ACSL3: variants seen among roughly 807,000 people sequenced by gnomAD.
The protein encoded by ACSL3 is fatty acid CoA ligase Acsl3.
A neutral mutation model predicts 84.7 loss-of-function variants in ACSL3; 34 were observed. That is an observed-to-expected ratio of 0.40 (90% confidence interval 0.31 to 0.53). The LOEUF is 0.53. Among genes scored for constraint, ACSL3 ranks in the 20% least tolerant of loss-of-function variants. ACSL3 has a pLI of 0.48. For missense variants in ACSL3, 680 were observed against 873.1 expected, an observed-to-expected ratio of 0.78 and a Z score of 2.79; for synonymous variants, 315 against 299.4, an observed-to-expected ratio of 1.05 and a Z score of -0.54.
intron 1 of ACSL3, among the ~76,000 whole-genome samples, chr2:222,878,564 A>G (rs1695513464): frequency 6.6e-6 from 1 of 151,982 alleles, no homozygotes; most frequent in African/African-American, 2.4e-5. Context: ...CCTTTATCCT[A>G]CAATTGAATA....
chr2:222,921,718 T>A (rs149594615), intron 8 of ACSL3, among the ~76,000 whole-genome samples: 7 of 152,340 alleles, frequency 4.6e-5, no homozygotes, highest in East Asian at 3.9e-4. Flanking sequence ...TAGTTTTTTT[T>A]ATATCTAAAT....
At chr2:222,928,652 TAAAA>T (rs5838971) in intron 12 of ACSL3, among the ~76,000 whole-genome samples, 1 of 135,032 alleles carries the variant, frequency 7.4e-6, no homozygotes, top group African/African-American at 2.7e-5. Flanking sequence ...ATAACTAATT[TAAAA>T]AAAAAAAAAA....
intron 4 of ACSL3, among the ~76,000 whole-genome samples, chr2:222,912,214 G>A (rs1270841354): frequency 6.6e-6 from 1 of 152,218 alleles, no homozygotes; most frequent in Non-Finnish European, 1.5e-5. Flanking sequence ...GGTTAGCTGA[G>A]GCTTTAGTTT....
chr2:222,918,199 T>A, intron 6 of ACSL3, 44 bp downstream of exon 6: 1 of 1,350,992 alleles, frequency 7.4e-7, no homozygotes, highest in Non-Finnish European at 1.0e-6. Context: ...ACTTTAGAAT[T>A]TTCAGTGTCA....
At chr2:222,866,429 A>AGCTACT (rs1323257423) in intron 1 of ACSL3, among the ~76,000 whole-genome samples, 2 of 152,106 alleles carry the variant, frequency 1.3e-5, no homozygotes, top group Non-Finnish European at 1.5e-5. Flanking sequence ...ACAGGCTGGG[A>AGCTACT]GCTACTGCGC....
At chr2:222,865,855 T>C (rs1553581415) in intron 1 of ACSL3, among the ~76,000 whole-genome samples, 1 of 152,060 alleles carries the variant, frequency 6.6e-6, no homozygotes, top group Non-Finnish European at 1.5e-5. Context: ...GGAGATGTTA[T>C]AACGCTACCA....
At chr2:222,938,443 G>T (rs1697228519) in intron 16 of ACSL3, among the ~76,000 whole-genome samples, 1 of 152,020 alleles carries the variant, frequency 6.6e-6, no homozygotes, top group Non-Finnish European at 1.5e-5. Flanking sequence ...ATTCTTGGTT[G>T]ACAATTTTTT....
chr2:222,921,290 T>C lies in ACSL3; in HGVS notation c.816T>C (p.Pro272=), dbSNP rs1259716537. The change falls in exon 8 of 17, where the codon CCT becomes CCC. Residue 272 remains proline (P), a synonymous_variant. Coordinates refer to ENST00000357430, the MANE Select transcript of ACSL3 (RefSeq NM_004457.5). The part of the protein sequence containing the change: ...LGAKASMENQ[P]HSKPLPSDIA... ...TTCTCTTCAATGCAGAAAACCAACC[T>C]CATAGCAAACCATTGCCCTCAGATA... is the stretch of plus-strand genomic sequence containing the variant. 6.3e-7 allele frequency: 1 copy of C among 1,593,802 alleles called. No homozygotes were observed. Among genetic ancestry groups the C allele is most frequent in the East Asian group, 2.3e-5 (1 of 44,224 alleles).
At chr2:222,881,522 C>T (rs797005462) in intron 1 of ACSL3, among the ~76,000 whole-genome samples, 13 of 152,248 alleles carry the variant, frequency 8.5e-5, no homozygotes, top group African/African-American at 2.9e-4. Flanking sequence ...ATTCACTCCC[C>T]GCCCCACCCC....
chr2:222,891,849 A>C (rs148411168), intron 2 of ACSL3, among the ~76,000 whole-genome samples: 417 of 152,296 alleles, frequency 2.7e-3, no homozygotes, highest in Non-Finnish European at 4.6e-3. Flanking sequence ...TAGGCTTTAT[A>C]GTTTTCTTAA....
At chr2:222,886,687 A>G (rs2106098903) in intron 1 of ACSL3, among the ~76,000 whole-genome samples, 1 of 152,348 alleles carries the variant, frequency 6.6e-6, no homozygotes, top group East Asian at 1.9e-4. Flanking sequence ...TATCATCATC[A>G]TGAGTAAATG....
intron 7 of ACSL3, chr2:222,920,917 T>C (rs897775074): frequency 2.1e-6 from 1 of 472,148 alleles, no homozygotes; most frequent in African/African-American, 2.0e-5. Context: ...TAGAACACTC[T>C]TCTCCCAGTT....
chr2:222,914,527 G>A (rs1696526768), intron 4 of ACSL3, among the ~76,000 whole-genome samples: 1 of 152,146 alleles, frequency 6.6e-6, no homozygotes, highest in Non-Finnish European at 1.5e-5. Flanking sequence ...CTTCCAAAGT[G>A]TTGAGATTAC....
At chr2:222,889,735 AGATGTTTCTCATAGCTACTTAAGGTG>A in intron 2 of ACSL3, among the ~76,000 whole-genome samples, 1 of 152,198 alleles carries the variant, frequency 6.6e-6, no homozygotes, top group East Asian at 1.9e-4. Context: ...GAGCTGGGCC[AGATGTTTCTCATAGCTACTTAAGGTG>A]GATTCCTTTT....
intron 2 of ACSL3, among the ~76,000 whole-genome samples, chr2:222,890,110 A>G (rs1286215363): frequency 6.6e-6 from 1 of 152,242 alleles, no homozygotes; most frequent in East Asian, 1.9e-4. Context: ...TGAAGACAAT[A>G]TGTTAATTGT....
At chr2:222,879,092 G>A (rs795889) in intron 1 of ACSL3, among the ~76,000 whole-genome samples, 128,652 of 152,196 alleles carry the variant, frequency 0.85, 54,581 homozygotes, top group East Asian at 0.97. Context: ...CAAGGCGGGT[G>A]GATCACCTGA....
At chr2:222,926,515 T>A (rs890325898) in intron 11 of ACSL3, among the ~76,000 whole-genome samples, 2 of 152,230 alleles carry the variant, frequency 1.3e-5, no homozygotes, top group African/African-American at 4.8e-5. Flanking sequence ...CTTTTTTAAA[T>A]GCTTCACAGA....
intron 7 of ACSL3, among the ~76,000 whole-genome samples, chr2:222,920,566 C>T (rs756811018): frequency 2.0e-5 from 3 of 152,208 alleles, no homozygotes; most frequent in Non-Finnish European, 4.4e-5. Context: ...TCCAAAGCTA[C>T]CTTTATTTCT....
rs1189492262 is a variant in ACSL3, at chr2:222,865,810, G to A, written c.-207+4552G>A. 8.5e-5 allele frequency among the ~76,000 whole-genome samples: 13 copies of A among 152,134 alleles called. No individual in the cohort carries two copies. In the East Asian group the frequency reaches 2.3e-3, roughly 27 times the overall value. ...TTGGATCCTCTGTGTGTGTGTGTGT[G>A]TGTGTGTGTGTGTGTACACAGATGT... is the stretch of plus-strand genomic sequence containing the variant. On this transcript the variant is annotated intron_variant, in intron 1 of 16. Transcript: ENST00000357430.
Sources: gnomAD v4.1 joint callset for allele counts (sites outside exome capture counted in the v4.1 genomes callset) on GRCh38, gnomAD v4.1.1 for gene constraint, MANE v1.5 for transcripts, NCBI Gene and HGNC (gene_info 2026-07-23, HGNC 2026-07-21) for gene names.